The following SRI variants were observed in gnomAD, a reference collection of about 807,000 sequenced individuals.
SRI encodes the protein sorcin.
SRI carries 30 observed loss-of-function variants against 33.3 expected under a neutral mutation model. The observed-to-expected ratio is 0.90, with a 90% CI of 0.67 to 1.22. The LOEUF is 1.22. SRI is among the 50% of genes most tolerant of loss of function. SRI has a pLI of 0.00. For missense variants in SRI, 243 were observed against 250.8 expected (o/e 0.97, Z 0.21); for synonymous variants, 75 against 89.9 (o/e 0.83, Z 0.94).
intron 3 of SRI, among the ~76,000 whole-genome samples, chr7:88,215,727 G>A (rs1471542919): frequency 6.6e-6 from 1 of 151,330 alleles, no homozygotes; most frequent in Non-Finnish European, 1.5e-5. Flanking sequence ...TACATGCCAT[G>A]TCAAATAGTT....
intron 1 of SRI, among the ~76,000 whole-genome samples, chr7:88,225,268 G>A (rs1184161266): frequency 6.6e-6 from 1 of 152,062 alleles, no homozygotes; most frequent in Non-Finnish European, 1.5e-5. Context: ...AAATATATAT[G>A]CCTATATACA....
At chr7:88,219,008 G>T in intron 1 of SRI, 66 bp from the exon 2 acceptor site, 2 of 1,465,540 alleles carry the variant, frequency 1.4e-6, no homozygotes, top group Non-Finnish European at 1.9e-6. Flanking sequence ...ACCACTGAGG[G>T]CTTTTGTGCA....
At chr7:88,208,261 C>CTAA in intron 7 of SRI, 1 of 980,726 alleles carries the variant, frequency 1.0e-6, no homozygotes, top group South Asian at 3.2e-5. Context: ...AGTGACCCAG[C>CTAA]TAATAAATAC....
At chr7:88,209,924 A>T in intron 5 of SRI, 59 bp downstream of exon 5, 1 of 1,611,500 alleles carries the variant, frequency 6.2e-7, no homozygotes, top group South Asian at 1.1e-5. Context: ...CCTGGTTTTA[A>T]AAATAAAAAT....
In SRI at chr7:88,209,377, T is replaced by A. The variant is rs759122528; in HGVS notation, c.473A>T (p.Asp158Val). ...YSTNGKITFD[D>V]YIACCVKLRA... ...CAGTTTGACGCAGCAGGCGATGTAG[T>A]CGTCGAAGGTGATCTTTCCATTGGT... The change falls in exon 6 of 8, where the codon GAC (aspartate) becomes GTC (valine). Residue 158 changes from aspartate (D) to valine (V), a missense_variant. By Grantham distance (152) the Asp-to-Val change is radical (BLOSUM62 -3). Transcript: ENST00000265729. 6.2e-7 allele frequency: 1 copy of A among 1,614,082 alleles called. No homozygotes were observed. The highest frequency in any genetic ancestry group is 8.5e-7 in the Non-Finnish European group (1 of 1,179,952).
At chr7:88,217,002 G>A in intron 3 of SRI, 120 bp downstream of exon 3, 1 of 929,104 alleles carries the variant, frequency 1.1e-6, no homozygotes, top group Non-Finnish European at 1.8e-6. Flanking sequence ...TTAGCTTTCG[G>A]AATTCTAAAC....
chr7:88,214,956 A>T, intron 3 of SRI: 1 of 590,912 alleles, frequency 1.7e-6, no homozygotes, highest in Non-Finnish European at 2.9e-6. Flanking sequence ...GGGAAAAAAG[A>T]GAAGCTGAAT....
At chr7:88,220,572 G>GA (rs932044402), upstream of SRI, among the ~76,000 whole-genome samples, 48 of 152,268 alleles carry the variant, frequency 3.2e-4, no homozygotes, top group African/African-American at 1.0e-3. Context: ...TTAACTTGAC[G>GA]AACTGTGTGC....
chr7:88,208,197 A>T (rs1851479692), intron 7 of SRI: 10 of 299,886 alleles, frequency 3.3e-5, no homozygotes, highest in African/African-American at 2.2e-5. Flanking sequence ...AAAAGGCATT[A>T]CTACTATATC....
At chr7:88,208,608 G>A in intron 6 of SRI, 43 bp from the exon 7 acceptor site, 1 of 1,610,274 alleles carries the variant, frequency 6.2e-7, no homozygotes, top group Non-Finnish European at 8.5e-7. Context: ...TCTTTAAATG[G>A]TTTTTCTAAA....
chr7:88,219,742 T>G (rs1160245059), intron 1 of SRI, among the ~76,000 whole-genome samples: 2 of 151,892 alleles, frequency 1.3e-5, no homozygotes, highest in Non-Finnish European at 2.9e-5. Flanking sequence ...AGGGTCCCAA[T>G]CCACCCTCAC....
chr7:88,210,065 C>T lies in SRI; in HGVS notation c.315G>A (p.Trp105Ter). The T allele has an allele frequency of 6.2e-7, 1 of 1,614,164 alleles. No individual in the cohort carries two copies. Among genetic ancestry groups the T allele is most frequent in the South Asian group, 1.1e-5 (1 of 91,082 alleles). ...FKELWAVLNG[W>*]RQHFISFDTD... is the part of the protein sequence containing the mutation. ...TGTCAAAACTGATAAAGTGTTGTCT[C>T]CAGCCATTCAGTACAGCCCAGAGTT... The change falls in exon 5 of 8, where the codon TGG becomes TGA. Residue 105 changes from tryptophan to a stop codon, truncating the protein, a stop_gained. Transcript: ENST00000265729. LOFTEE classifies it high-confidence loss of function.
chr7:88,214,738 TTTAAA>T (rs1479227803), intron 3 of SRI: 3 of 571,494 alleles, frequency 5.2e-6, no homozygotes, highest in African/African-American at 2.0e-5. Flanking sequence ...TTTGAAATTA[TTTAAA>T]TTAAATAATG....
intron 7 of SRI, chr7:88,207,871 A>G (rs1851470630): frequency 6.6e-6 from 1 of 152,152 alleles, no homozygotes. Context: ...GCACATGCCT[A>G]TAGTCCCTCA....
chr7:88,215,552 C>T (rs985199505), intron 3 of SRI, among the ~76,000 whole-genome samples: 5 of 152,102 alleles, frequency 3.3e-5, no homozygotes, highest in African/African-American at 1.2e-4. Context: ...ATCCCCTAAT[C>T]CAAAAAGTGC....
At chr7:88,224,065 G>C (rs975536962), upstream of SRI, among the ~76,000 whole-genome samples, 1 of 152,206 alleles carries the variant, frequency 6.6e-6, no homozygotes, top group Admixed American at 6.5e-5. Context: ...GCTGTTTACA[G>C]AAGAAAAGAC....
intron 1 of SRI, among the ~76,000 whole-genome samples, chr7:88,225,192 G>T (rs891950574): frequency 6.6e-6 from 1 of 152,188 alleles, no homozygotes; most frequent in Non-Finnish European, 1.5e-5. Flanking sequence ...CCTTAATGAA[G>T]CTCTGAGCTG....
In SRI at chr7:88,209,280, G is replaced by T. The variant is rs772259947; in HGVS notation, c.511+59C>A. ...TAAAAGTTGAGAAGCACTGAGAGAT[G>T]AAATGTAATAAAAACTGTGTCTTGG... On this transcript the variant is annotated intron_variant, in intron 6 of 7. Transcript: ENST00000265729. The T allele has an allele frequency of 7.9e-6, 11 of 1,393,058 alleles. No individual in the cohort carries two copies. The Admixed American group carries it at 2.0e-4, about 25-fold the overall frequency. The allele number at this position is 1,393,058 out of a possible 1,614,324, so 86.3% of individuals were successfully genotyped here.
At chr7:88,223,896 C>T (rs775868625), upstream of SRI, among the ~76,000 whole-genome samples, 2 of 151,756 alleles carry the variant, frequency 1.3e-5, no homozygotes, top group South Asian at 4.2e-4. Context: ...TTTGTCAGAA[C>T]GATTTACTAA....
Sources: gnomAD v4.1 joint callset for allele counts (sites outside exome capture counted in the v4.1 genomes callset) on GRCh38, gnomAD v4.1.1 for gene constraint, MANE v1.5 for transcripts, NCBI Gene and HGNC (gene_info 2026-07-23, HGNC 2026-07-21) for gene names.